PTCHD4: variants seen among roughly 807,000 people sequenced by gnomAD.
The protein encoded by PTCHD4 is patched domain containing 4.
In PTCHD4, 33 loss-of-function variants were observed where a neutral mutation model predicts 58.1. The observed-to-expected ratio is 0.57, with a 90% CI of 0.43 to 0.76. The LOEUF (loss-of-function observed/expected upper bound fraction) is 0.76. Among genes scored for constraint, PTCHD4 ranks in the 30% least tolerant of loss-of-function variants. PTCHD4 has a pLI of 0.00. For missense variants in PTCHD4, 1,058 were observed against 1,027.1 expected (o/e 1.03, Z -0.41); for synonymous variants, 478 against 409.6 (o/e 1.17, Z -2.02).
chr6:47,866,916 A>G lies in PTCHD4; in HGVS notation c.*11387T>C, dbSNP rs544478535. On this transcript the variant is annotated 3_prime_UTR_variant, in exon 5 of 5. Coordinates refer to ENST00000339488, the MANE Select transcript of PTCHD4 (RefSeq NM_001384253.1). ...TTAAAATTTACATTTAGAAAAGGAT[A>G]GATGGGGAGAAAATCTATGCAGTTA... 2.0e-5 allele frequency among the ~76,000 whole-genome samples: 3 copies of G among 152,006 alleles called. No individual in the cohort carries two copies. In the South Asian group the frequency reaches 6.2e-4, roughly 32 times the overall value.
chr6:47,967,243 C>A (rs1006441987), intron 4 of PTCHD4, among the ~76,000 whole-genome samples: 2 of 152,156 alleles, frequency 1.3e-5, no homozygotes, highest in South Asian at 4.1e-4. Flanking sequence ...GGTAACCAGA[C>A]GCATTGTCGA....
At chr6:48,040,581 G>A (rs1763810749) in intron 3 of PTCHD4, among the ~76,000 whole-genome samples, 1 of 152,074 alleles carries the variant, frequency 6.6e-6, no homozygotes, top group South Asian at 2.1e-4. Flanking sequence ...TTACGAACAA[G>A]GAGTATTTTT....
rs1342736301 is a variant in PTCHD4 at position 47,879,521 on chromosome 6, G to A, written c.1314C>T (p.Tyr438=). ...GGAAGTGCTGAATGAAGTGGTGCTG[G>A]TAGGGGTTCGTCTCATGATGGGACG... ...QQTSHHETNP[Y]QHHFIQHFLR... The change falls in exon 5 of 5, where the codon TAC becomes TAT. Residue 438 remains tyrosine (Y), a synonymous_variant. Coordinates refer to ENST00000339488, the MANE Select transcript of PTCHD4 (RefSeq NM_001384253.1). 2.5e-6 allele frequency: 4 copies of A among 1,613,620 alleles called. No individual in the cohort carries two copies. Among genetic ancestry groups the A allele is most frequent in the Non-Finnish European group, 2.5e-6 (3 of 1,179,770 alleles).
At chr6:48,070,096 CA>C (rs1245930134) in intron 1 of PTCHD4, among the ~76,000 whole-genome samples, 170 bp from the exon 2 acceptor site, 2 of 151,136 alleles carry the variant, frequency 1.3e-5, no homozygotes, top group African/African-American at 2.4e-5. Flanking sequence ...AGGTCAACTT[CA>C]AAAACTAATA....
At chr6:47,953,314 C>T (rs1766727077) in intron 4 of PTCHD4, among the ~76,000 whole-genome samples, 1 of 152,088 alleles carries the variant, frequency 6.6e-6, no homozygotes, top group South Asian at 2.1e-4. Context: ...AGTTAACCAC[C>T]TTGCTTTGTG....
intron 4 of PTCHD4, among the ~76,000 whole-genome samples, chr6:47,887,734 G>C (rs898187382): frequency 1.3e-5 from 2 of 152,158 alleles, no homozygotes; most frequent in African/African-American, 4.8e-5. Context: ...GTCTAGTCTT[G>C]AGGTGATGAT....
At chr6:48,021,369 T>C (rs1386916985) in intron 3 of PTCHD4, among the ~76,000 whole-genome samples, 2 of 152,106 alleles carry the variant, frequency 1.3e-5, no homozygotes, top group Non-Finnish European at 2.9e-5. Context: ...TAAATGGTGT[T>C]TTCTTTTCAA....
chr6:48,028,386 CA>C, intron 3 of PTCHD4, among the ~76,000 whole-genome samples: 1 of 151,336 alleles, frequency 6.6e-6, no homozygotes, highest in African/African-American at 2.4e-5. Flanking sequence ...AAATACAGGA[CA>C]AAAATTGAGT....
At chr6:47,955,632 AT>A (rs1473029671) in intron 4 of PTCHD4, among the ~76,000 whole-genome samples, 3 of 152,174 alleles carry the variant, frequency 2.0e-5, no homozygotes, top group Admixed American at 1.3e-4. Context: ...AAAATCAGAC[AT>A]TTTTTTAATG....
At chr6:47,910,790 G>T (rs533384288) in intron 4 of PTCHD4, among the ~76,000 whole-genome samples, 2 of 152,094 alleles carry the variant, frequency 1.3e-5, no homozygotes, top group Non-Finnish European at 2.9e-5. Context: ...GTTTTGAAAA[G>T]CAATAACACC....
chr6:48,014,242 A>G (rs1762791072), intron 3 of PTCHD4, among the ~76,000 whole-genome samples: 3 of 152,292 alleles, frequency 2.0e-5, no homozygotes, highest in South Asian at 4.1e-4. Flanking sequence ...CCAACTAATT[A>G]TAGTTCTGAG....
chr6:48,074,725 G>A (rs932599765), intron 1 of PTCHD4, among the ~76,000 whole-genome samples: 3 of 152,188 alleles, frequency 2.0e-5, no homozygotes, highest in African/African-American at 7.2e-5. Flanking sequence ...AGCATGATAA[G>A]ATGTTGGGGA....
intron 3 of PTCHD4, among the ~76,000 whole-genome samples, chr6:48,047,725 C>T (rs931369089): frequency 2.6e-5 from 4 of 151,886 alleles, no homozygotes; most frequent in Admixed American, 2.0e-4. Context: ...CCCCAGAAGG[C>T]TCCCTTGCCC....
chr6:48,032,031 G>A (rs1193136023), intron 3 of PTCHD4, among the ~76,000 whole-genome samples: 1 of 150,204 alleles, frequency 6.7e-6, no homozygotes, highest in South Asian at 2.1e-4. Context: ...ATATAATGAT[G>A]TACCCTCTGT....
intron 4 of PTCHD4, among the ~76,000 whole-genome samples, chr6:47,913,906 T>C (rs780660317): frequency 1.3e-5 from 2 of 152,124 alleles, no homozygotes; most frequent in Non-Finnish European, 2.9e-5. Flanking sequence ...GCAATTCTGA[T>C]GCAGGTTATC....
At chr6:47,981,904 A>T (rs1162002197) in intron 4 of PTCHD4, among the ~76,000 whole-genome samples, 1 of 152,094 alleles carries the variant, frequency 6.6e-6, no homozygotes, top group Admixed American at 6.5e-5. Flanking sequence ...GTGAGGAAAG[A>T]TTACTCCTGT....
Position 48,109,285 on chromosome 6 carries a change from C to T in PTCHD4, c.-970+1764G>A, listed in dbSNP as rs138812411. On this transcript the variant is annotated intron_variant, in intron 1 of 4. Coordinates refer to ENST00000339488, the MANE Select transcript of PTCHD4 (RefSeq NM_001384253.1). ...CAAGGCTACTATAACACCAGTACCACAAGACTGTCATAAAAACCTAATAGC... is the reference window on the plus strand; with the variant it reads ...CAAGGCTACTATAACACCAGTACCATAAGACTGTCATAAAAACCTAATAGC... Among the ~76,000 whole-genome samples, 945 of 152,190 alleles carry T rather than the reference C, an allele frequency of 6.2e-3. 4 individuals are homozygous for T. Among genetic ancestry groups the T allele is most frequent in the Middle Eastern group, 0.01 (3 of 294 alleles).
intron 4 of PTCHD4, among the ~76,000 whole-genome samples, chr6:47,964,926 A>G (rs1245756966): frequency 6.6e-6 from 1 of 152,094 alleles, no homozygotes; most frequent in Non-Finnish European, 1.5e-5. Context: ...GATTAAAAAA[A>G]CAGCACACTC....
Position 48,047,651 on chromosome 6 carries a change from T to C in PTCHD4, c.417+20579A>G, listed in dbSNP as rs184675676. Among the ~76,000 whole-genome samples, 807 of 151,948 alleles carry C rather than the reference T, an allele frequency of 5.3e-3. 13 individuals are homozygous for C. Among genetic ancestry groups the C allele is most frequent in the Non-Finnish European group, 7.7e-3 (521 of 67,868 alleles). On this transcript the variant is annotated intron_variant, in intron 3 of 4. Transcript: ENST00000339488. ...TGATGCTATTTGAAGGTGGGGCCTT[T>C]GGGAAGTGACTAGGTAATCTGGGTG...
Sources: allele counts gnomAD v4.1 joint callset (sites outside exome capture counted in the v4.1 genomes callset), GRCh38; gene constraint gnomAD v4.1.1; transcripts MANE v1.5; gene names NCBI Gene and HGNC (gene_info 2026-07-23, HGNC 2026-07-21).